Variants in SRGAP3 observed in about 807,000 individuals in gnomAD.
SRGAP3 encodes the protein SLIT-ROBO Rho GTPase-activating protein 3.
Under a neutral mutation model 121.1 loss-of-function variants are expected in SRGAP3, and 39 were observed. The observed-to-expected ratio is 0.32, with a 90% CI of 0.25 to 0.42. The LOEUF (loss-of-function observed/expected upper bound fraction) is 0.42. Among genes scored for constraint, SRGAP3 ranks in the 10% least tolerant of loss-of-function variants. The pLI is 1.00. For synonymous variants in SRGAP3, 601 were observed against 570.0 expected, an observed-to-expected ratio of 1.05 and a Z score of -0.77; for missense variants, 1,213 against 1,470.6, an observed-to-expected ratio of 0.82 and a Z score of 2.86.
chr3:9,205,375 C>T (rs890091805), intron 1 of SRGAP3, among the ~76,000 whole-genome samples: 1 of 152,194 alleles, frequency 6.6e-6, no homozygotes, highest in African/African-American at 2.4e-5. Context: ...GCCCTTGCAG[C>T]ACGTCTCACA....
At chr3:9,027,037 C>G in intron 12 of SRGAP3, 42 bp from the exon 13 acceptor site, 1 of 1,580,994 alleles carries the variant, frequency 6.3e-7, no homozygotes, top group Non-Finnish European at 8.7e-7. Context: ...GGCTTGACAA[C>G]CACCACAGGA....
At chr3:9,348,496 G>A (rs1238638620) in intron 1 of SRGAP3, 5 of 734,390 alleles carry the variant, frequency 6.8e-6, no homozygotes, top group East Asian at 2.5e-5. Flanking sequence ...TGTGGAATCC[G>A]GAGAACCGCT....
intron 3 of SRGAP3, among the ~76,000 whole-genome samples, chr3:9,270,292 G>C (rs1954447695): frequency 6.6e-6 from 1 of 152,140 alleles, no homozygotes; most frequent in African/African-American, 2.4e-5. Context: ...AAAGAAAAAA[G>C]TCAATCTTTA....
chr3:9,081,047 G>A (rs919722880), intron 3 of SRGAP3, among the ~76,000 whole-genome samples: 1 of 152,158 alleles, frequency 6.6e-6, no homozygotes, highest in Admixed American at 6.5e-5. Flanking sequence ...GGTCCCTGGT[G>A]CAAAAAAGGT....
At chr3:9,274,197 G>A (rs1431487665) in intron 3 of SRGAP3, among the ~76,000 whole-genome samples, 1 of 152,232 alleles carries the variant, frequency 6.6e-6, no homozygotes, top group Admixed American at 6.5e-5. Flanking sequence ...CCTGGTGGGT[G>A]ACTTTGTGTT....
At chr3:9,226,741 GTGATGAGAT>G (rs1952999968) in intron 1 of SRGAP3, among the ~76,000 whole-genome samples, 2 of 152,144 alleles carry the variant, frequency 1.3e-5, no homozygotes, top group African/African-American at 4.8e-5. Flanking sequence ...CCTACATGGG[GTGATGAGAT>G]GGCCATCCAT....
chr3:9,047,951 A>G (rs1945373498), intron 9 of SRGAP3, among the ~76,000 whole-genome samples: 1 of 152,240 alleles, frequency 6.6e-6, no homozygotes, highest in African/African-American at 2.4e-5. Flanking sequence ...ATCTGGCCCC[A>G]CTTTGAAGGA....
At chr3:9,103,681 G>A (rs1195783244) in intron 3 of SRGAP3, among the ~76,000 whole-genome samples, 1 of 152,194 alleles carries the variant, frequency 6.6e-6, no homozygotes, top group Non-Finnish European at 1.5e-5. Flanking sequence ...TCTTAACCCT[G>A]CAGGATAGAC....
At chr3:9,101,626 C>G (rs1447156406) in intron 3 of SRGAP3, among the ~76,000 whole-genome samples, 1 of 152,208 alleles carries the variant, frequency 6.6e-6, no homozygotes, top group Non-Finnish European at 1.5e-5. Flanking sequence ...ACAGAGAAAA[C>G]TGGAGCAGAG....
intron 1 of SRGAP3, among the ~76,000 whole-genome samples, chr3:9,184,305 A>C (rs2125127000): frequency 6.6e-6 from 1 of 152,316 alleles, no homozygotes; most frequent in South Asian, 2.1e-4. Context: ...TTCACAGCAC[A>C]GCAAGGGGAT....
chr3:9,104,874 C>T, intron 2 of SRGAP3, 32 bp from the exon 3 acceptor site: 4 of 1,613,794 alleles, frequency 2.5e-6, no homozygotes, highest in Non-Finnish European at 3.4e-6. Context: ...AGGTTGGCTA[C>T]ATTGGAACTG....
At chr3:9,278,072 C>A (rs1201065566) in intron 3 of SRGAP3, among the ~76,000 whole-genome samples, 1 of 152,168 alleles carries the variant, frequency 6.6e-6, no homozygotes, top group Non-Finnish European at 1.5e-5. Context: ...GACTTCCCAG[C>A]CTAAGGAGCT....
intron 2 of SRGAP3, among the ~76,000 whole-genome samples, chr3:9,113,543 G>T (rs998678342): frequency 3.9e-5 from 6 of 152,154 alleles, no homozygotes; most frequent in Non-Finnish European, 7.3e-5. Flanking sequence ...GTCACATTTT[G>T]AGGTACTGGA....
At chr3:9,095,746 A>G (rs187077823) in intron 3 of SRGAP3, among the ~76,000 whole-genome samples, 11 of 152,324 alleles carry the variant, frequency 7.2e-5, no homozygotes, top group African/African-American at 2.4e-4. Context: ...GATATCTGAT[A>G]AGGCCAATCC....
intron 1 of SRGAP3, among the ~76,000 whole-genome samples, chr3:9,197,398 G>C (rs1951948602): frequency 6.6e-6 from 1 of 152,230 alleles, no homozygotes; most frequent in African/African-American, 2.4e-5. Flanking sequence ...TGAAATGGCT[G>C]TGGATCTCCA....
At chr3:9,062,509 A>T (rs1237041092) in intron 5 of SRGAP3, among the ~76,000 whole-genome samples, 1 of 152,124 alleles carries the variant, frequency 6.6e-6, no homozygotes, top group Admixed American at 6.5e-5. Flanking sequence ...GAAATGCTGC[A>T]CCCATTCACA....
intron 6 of SRGAP3, chr3:9,058,714 CTTTTTTT>C (rs71049768): frequency 3.7e-4 from 79 of 213,612 alleles, no homozygotes; most frequent in East Asian, 9.2e-4. Flanking sequence ...TTCTCTCTCT[CTTTTTTT>C]TTTTTTTTTT....
At position 8,984,559 on chromosome 3, in the gene SRGAP3, A is replaced by C. The variant is rs568563006; in HGVS notation, c.*960T>G. 1.7e-5 allele frequency: 4 copies of C among 232,632 alleles called. No individual in the cohort carries two copies. The Admixed American group carries it at 2.2e-4, about 13-fold the overall frequency. The allele number at this position is 232,632 out of a possible 1,614,324, so 14.4% of individuals were successfully genotyped here. A position where few individuals can be genotyped will look rare whatever the true frequency, so the allele number is the denominator to read the frequency against. ...CACCACTGTATTTTTATTTTTCCCA[A>C]CCACATGTAATACTGTGCTACGATG... On this transcript the variant is annotated 3_prime_UTR_variant, in exon 22 of 22. Transcript: ENST00000383836.
At chr3:9,323,229 CTG>C (rs1955465363) in intron 3 of SRGAP3, among the ~76,000 whole-genome samples, 1 of 151,808 alleles carries the variant, frequency 6.6e-6, no homozygotes, top group African/African-American at 2.4e-5. Context: ...TGGGATGAAA[CTG>C]TTCTGTATCT....
Sources: gnomAD v4.1 joint callset for allele counts (sites outside exome capture counted in the v4.1 genomes callset) on GRCh38, gnomAD v4.1.1 for gene constraint, MANE v1.5 for transcripts, NCBI Gene and HGNC (gene_info 2026-07-23, HGNC 2026-07-21) for gene names.